The following LAMA5 variants were observed in gnomAD, a reference collection of about 807,000 sequenced individuals.
The protein encoded by LAMA5 is laminin subunit alpha-5.
A neutral mutation model predicts 433.4 loss-of-function variants in LAMA5; 260 were observed. The observed-to-expected ratio is 0.60, with a 90% CI of 0.54 to 0.66. LAMA5 has a LOEUF of 0.66. LAMA5 is among the 30% of genes least tolerant of loss of function. The pLI is 0.00. For missense variants in LAMA5, 5,378 were observed against 5,258.5 expected, an observed-to-expected ratio of 1.02 and a Z score of -0.70; for synonymous variants, 2,620 against 2,226.6, an observed-to-expected ratio of 1.18 and a Z score of -4.97.
At position 62,334,297 on chromosome 20, in the gene LAMA5, C is replaced by T. The variant is rs762472942; in HGVS notation, c.2628G>A (p.Leu876=). ...HYLPDLHHLR[L]ELEEAATPEG... ...CAGGTGTGGCAGCCTCCTCCAGCTC[C>T]AGGCGCAGGTGGTGCAGGTCCGGGA... Residue 876 remains leucine, a synonymous_variant, in exon 22 of 80, where the codon CTG becomes CTA. Coordinates refer to ENST00000252999, the MANE Select transcript of LAMA5 (RefSeq NM_005560.6). The T allele has an allele frequency of 6.2e-7, 1 of 1,611,234 alleles. No homozygotes were observed. The highest frequency in any genetic ancestry group is 1.1e-5 in the South Asian group (1 of 90,704).
rs1281200959 is a variant in LAMA5, at chr20:62,329,233, A to G, written c.4140T>C (p.Pro1380=). ...GGTAGCCAAAGCTGTAGACGTTCTC[A>G]GGGACCACGAGTACATAATCCTAGG... ...WLWLDYVLVV[P]ENVYSFGYLR... The change falls in exon 33 of 80, where the codon CCT becomes CCC. Residue 1380 remains proline (P), a synonymous_variant. Coordinates refer to ENST00000252999, the MANE Select transcript of LAMA5 (RefSeq NM_005560.6). The G allele has an allele frequency of 1.2e-6, 2 of 1,612,198 alleles. No individual in the cohort carries two copies. The highest frequency in any genetic ancestry group is 1.3e-5 in the African/African-American group (1 of 74,930).
rs779895785 is a variant in LAMA5, at chr20:62,318,457, G to GGCT, written c.7233_7235dup (p.Ala2412dup). The stretch of plus-strand genomic sequence containing the variant: ...AGAACAAGTCCGGGGTCCTCACCAG[G>GGCT]GCTTCCTCCAGGCGCTCCTGGTTGC... On this transcript the variant is annotated inframe_insertion, in exon 53 of 80. Coordinates refer to ENST00000252999, the MANE Select transcript of LAMA5 (RefSeq NM_005560.6). 2 of 1,603,854 alleles carry GGCT rather than the reference G, an allele frequency of 1.2e-6. No individual in the cohort carries two copies. The highest frequency in any genetic ancestry group is 1.7e-6 in the Non-Finnish European group (2 of 1,177,986).
chr20:62,346,376 T>A (rs1983368933), intron 9 of LAMA5, 130 bp downstream of exon 9: 1 of 1,356,628 alleles, frequency 7.4e-7, no homozygotes, highest in Non-Finnish European at 1.0e-6. Flanking sequence ...CCCCGTGGCC[T>A]GGGAGGCTCC....
intron 32 of LAMA5, 126 bp downstream of exon 32, chr20:62,329,651 C>T: frequency 1.6e-6 from 2 of 1,252,490 alleles, no homozygotes; most frequent in Admixed American, 4.5e-5. Flanking sequence ...GCAGGAGCTG[C>T]TTTGCTGGGC....
chr20:62,364,114 C>T (rs1207905450), intron 1 of LAMA5, among the ~76,000 whole-genome samples: 2 of 152,224 alleles, frequency 1.3e-5, no homozygotes, highest in Non-Finnish European at 2.9e-5. Flanking sequence ...TAAGCATTCT[C>T]GTGGATGGGG....
Position 62,311,219 on chromosome 20 carries a change from C to T in LAMA5, c.10031G>A (p.Gly3344Glu). The change falls in exon 73 of 80, where the codon GGG becomes GAG. Residue 3344 changes from glycine (G) to glutamate (E), a missense_variant. By Grantham distance (98) the Gly-to-Glu change is moderately conservative. Coordinates refer to ENST00000252999, the MANE Select transcript of LAMA5 (RefSeq NM_005560.6). ...CTCCAGGTGACTGGACAGGGAACCC[C>T]CAAACTGGTAGGAGTCTCGGGTGGT... ...LRTTRDSYQF[G>E]GSLSSHLEFV... 1 of 1,610,484 alleles carries T rather than the reference C, an allele frequency of 6.2e-7. No homozygotes were observed. The highest frequency in any genetic ancestry group is 1.1e-5 in the South Asian group (1 of 90,886).
rs1305610199 is a variant in LAMA5 at position 62,338,573 on chromosome 20, C to G, written c.1513G>C (p.Ala505Pro). 3.1e-6 allele frequency: 5 copies of G among 1,611,012 alleles called. No homozygotes were observed. Among genetic ancestry groups the G allele is most frequent in the Non-Finnish European group, 4.2e-6 (5 of 1,179,530 alleles). ...DCSAAGTQGN[A>P]CRKDPRVGRC... ...CCCACCCTTGGGTCCTTCCGGCAGGCGTTGCCCTGGGTCCCTGCCGCGCTG... is the reference window on the plus strand; with the variant it reads ...CCCACCCTTGGGTCCTTCCGGCAGGGGTTGCCCTGGGTCCCTGCCGCGCTG... The change falls in exon 12 of 80, where the codon GCC (alanine) becomes CCC (proline). Residue 505 changes from alanine to proline, a missense_variant. Transcript: ENST00000252999.
Position 62,311,305 on chromosome 20 carries a change from G to A in LAMA5, c.9945C>T (p.Ala3315=). The A allele has an allele frequency of 2.5e-6, 4 of 1,570,600 alleles. No homozygotes were observed. Among genetic ancestry groups the A allele is most frequent in the Non-Finnish European group, 3.4e-6 (4 of 1,161,316 alleles). The change falls in exon 73 of 80, where the codon GCC becomes GCT. Residue 3315 remains alanine, a splice_region_variant and synonymous_variant. Coordinates refer to ENST00000252999, the MANE Select transcript of LAMA5 (RefSeq NM_005560.6). ...GGGCGGGCTGACGGCTGCGGCGGGA[G>A]GCCTGGGGGCGTGGATGGTGAATGC... The part of the protein sequence containing the change: ...PRGLQATARK[A]SRRSRQPARH...
intron 44 of LAMA5, 41 bp from the exon 45 acceptor site, chr20:62,323,711 G>A (rs374569152): frequency 2.3e-4 from 369 of 1,590,866 alleles, no homozygotes; most frequent in Admixed American, 6.0e-4. Context: ...GGCCCGTGGC[G>A]CCCACCCTCG....
rs1425909296 is a variant in LAMA5, at chr20:62,346,469, T to C, written c.1282+37A>G. On this transcript the variant is annotated intron_variant, in intron 9 of 79. Coordinates refer to ENST00000252999, the MANE Select transcript of LAMA5 (RefSeq NM_005560.6). ...AGAACACCTCTTTCCAGGCAGACCC[T>C]GAGACCCAGGACACCCGCCCAGCTG... 2.0e-6 allele frequency: 3 copies of C among 1,537,998 alleles called. No individual in the cohort carries two copies. The East Asian group carries it at 7.4e-5, about 38-fold the overall frequency.
chr20:62,333,241 C>A lies in LAMA5; in HGVS notation c.3131G>T (p.Cys1044Phe). The A allele has an allele frequency of 6.5e-7, 1 of 1,547,886 alleles. No homozygotes were observed. Among genetic ancestry groups the A allele is most frequent in the Non-Finnish European group, 8.7e-7 (1 of 1,144,486 alleles). The change falls in exon 26 of 80, where the codon TGC becomes TTC. Residue 1044 changes from cysteine (C) to phenylalanine (F), a missense_variant and splice_region_variant. By Grantham distance (205) the Cys-to-Phe change is radical (BLOSUM62 -2). Coordinates refer to ENST00000252999, the MANE Select transcript of LAMA5 (RefSeq NM_005560.6). ...RPSAQQSGDN[C>F]LLYTHLPLDG... is the part of the protein sequence containing the mutation. ...CAGGGGGAGGTGTGTGTAGAGGAGG[C>A]AGCTGGGGGGACACAGGCCGTGGTC... is the stretch of plus-strand genomic sequence containing the variant.
rs199834914 is a variant in LAMA5, at chr20:62,310,416, G to C, written c.10600+3C>G. ...GAGGCCTGGGATGCCAGCACCCACA[G>C]ACCTAAAGTGATAACTCCCCCGCTG... On this transcript the variant is annotated splice_donor_region_variant and intron_variant, in intron 76 of 79. Transcript: ENST00000252999. The C allele has an allele frequency of 6.9e-6, 11 of 1,600,514 alleles. No individual in the cohort carries two copies. The African/African-American group carries it at 1.1e-4, about 16-fold the overall frequency.
In LAMA5 at chr20:62,328,409, G is replaced by A. The variant is rs372835318; in HGVS notation, c.4484C>T (p.Thr1495Met). The A allele has an allele frequency of 8.0e-5, 123 of 1,532,718 alleles. No individual in the cohort carries two copies. Among genetic ancestry groups the A allele is most frequent in the Admixed American group, 3.5e-4 (17 of 48,982 alleles). The allele number at this position is 1,532,718 out of a possible 1,614,324, so 94.9% of individuals were successfully genotyped here. Residue 1495 changes from threonine to methionine, a missense_variant, in exon 35 of 80, where the codon ACG (threonine) becomes ATG (methionine). Transcript: ENST00000252999. ...DCGARLCDEL[T>M]GQCICPPRTI... ...GCGTGGCGGGCAGATGCACTGGCCC[G>A]TGAGCTCGTCACAGAGGCGGGCACC...
chr20:62,321,910 C>T (rs1601318195), intron 48 of LAMA5, 109 bp downstream of exon 48: 1 of 1,101,904 alleles, frequency 9.1e-7, no homozygotes, highest in Non-Finnish European at 1.4e-6. Context: ...AAATGGAAGG[C>T]AGCTGGGACC....
At position 62,313,743 on chromosome 20, in the gene LAMA5, T is replaced by G. The variant is rs1006444151; in HGVS notation, c.8564A>C (p.Lys2855Thr). ...TVERQMIQET[K>T]GDTVAPGAEG... ...TGCCCCAGGGGCCACCGTGTCACCC[T>G]TGGTTTCCTGGATCATCTGTCTCTC... Residue 2855 changes from lysine to threonine, a missense_variant, in exon 63 of 80, where the codon AAG (lysine) becomes ACG (threonine). Physicochemically the swap from Lys to Thr is moderately conservative, Grantham distance 78. Transcript: ENST00000252999. 1 of 1,612,796 alleles carries G rather than the reference T, an allele frequency of 6.2e-7. No individual in the cohort carries two copies. Among genetic ancestry groups the G allele is most frequent in the Admixed American group, 1.7e-5 (1 of 59,998 alleles).
At chr20:62,330,647 CTA>C in intron 30 of LAMA5, 33 bp from the exon 31 acceptor site, 1 of 1,575,364 alleles carries the variant, frequency 6.3e-7, no homozygotes, top group Non-Finnish European at 8.6e-7. Context: ...GCAGGCTGAG[CTA>C]TGAGCCCCTG....
At position 62,314,957 on chromosome 20, in the gene LAMA5, G is replaced by A. The variant is rs376081597; in HGVS notation, c.8048-10C>T. 2.5e-6 allele frequency: 4 copies of A among 1,590,642 alleles called. 1 individual carries two copies. In the Admixed American group the frequency reaches 5.1e-5, roughly 20 times the overall value. Reference sequence around the variant, plus strand: ...TTCTCCAGGGTGGACACTGCAGAGAGGGAGACCTGAGACCTTTGCCCCCCA... The same window carrying A: ...TTCTCCAGGGTGGACACTGCAGAGAAGGAGACCTGAGACCTTTGCCCCCCA... On this transcript the variant is annotated splice_polypyrimidine_tract_variant and intron_variant, in intron 59 of 79. Transcript: ENST00000252999.
At chr20:62,365,846 G>C (rs563944143) in intron 1 of LAMA5, among the ~76,000 whole-genome samples, 1 of 152,252 alleles carries the variant, frequency 6.6e-6, no homozygotes, top group South Asian at 2.1e-4. Context: ...AGGAGAGAAC[G>C]GTGAGCCCAG....
chr20:62,351,768 C>G lies in LAMA5; in HGVS notation c.892G>C (p.Gly298Arg). ...GCGTGGCCGTGGCAGACACAGCGGC[C>G]TCCGATGCTGATATCCTTGATGCTG... ...YYSIKDISIG[G>R]RCVCHGHADA... is the part of the protein sequence containing the mutation. The change falls in exon 6 of 80, where the codon GGC (glycine) becomes CGC (arginine). Residue 298 changes from glycine (G) to arginine (R), a missense_variant. Gly to Arg is a moderately radical substitution (Grantham distance 125). Transcript: ENST00000252999. The G allele has an allele frequency of 6.2e-7, 1 of 1,611,118 alleles. No homozygotes were observed. The highest frequency in any genetic ancestry group is 1.1e-5 in the South Asian group (1 of 90,528).
Sources: allele counts gnomAD v4.1 joint callset (sites outside exome capture counted in the v4.1 genomes callset), GRCh38; gene constraint gnomAD v4.1.1; transcripts MANE v1.5; gene names NCBI Gene and HGNC (gene_info 2026-07-23, HGNC 2026-07-21).